LNP1: variants seen among roughly 807,000 people sequenced by gnomAD.
LNP1 encodes leukemia NUP98 fusion partner 1.
A neutral mutation model predicts 14.5 loss-of-function variants in LNP1; 12 were observed. That is an observed-to-expected ratio of 0.83 (90% CI 0.53 to 1.34). The LOEUF is 1.34. LNP1 is among the 40% of genes most tolerant of loss of function. LNP1 has a pLI of 0.00. For missense variants in LNP1, 198 were observed against 210.9 expected (o/e 0.94, Z 0.38); for synonymous variants, 75 against 71.4 (o/e 1.05, Z -0.26).
intron 1 of LNP1, among the ~76,000 whole-genome samples, chr3:100,420,881 C>T (rs1707137737): frequency 6.6e-6 from 1 of 151,774 alleles, no homozygotes; most frequent in African/African-American, 2.4e-5. Context: ...CTCTTGATCC[C>T]AAAGATTTTC....
chr3:100,405,761 C>A (rs1488844250), intron 1 of LNP1, among the ~76,000 whole-genome samples: 2 of 152,092 alleles, frequency 1.3e-5, no homozygotes, highest in Admixed American at 1.3e-4. Flanking sequence ...TATTTGCTTG[C>A]TTCCCAGATA....
rs377046586 is a variant in LNP1 at position 100,429,721 on chromosome 3, C to T, written c.-9C>T. The T allele has an allele frequency of 1.3e-5, 21 of 1,611,832 alleles. No individual in the cohort carries two copies. The highest frequency in any genetic ancestry group is 1.7e-5 in the Non-Finnish European group (20 of 1,178,928). The stretch of plus-strand genomic sequence containing the variant: ...GGGACAGGCCTTCAGTATTTGGCAT[C>T]ACCTTTACATGGAGCACAAAGATGA... On this transcript the variant is annotated 5_prime_UTR_variant, in exon 2 of 4. Coordinates refer to ENST00000383693, the MANE Select transcript of LNP1 (RefSeq NM_001085451.2).
At chr3:100,437,163 G>A (rs1220034708) in intron 2 of LNP1, among the ~76,000 whole-genome samples, 2 of 152,176 alleles carry the variant, frequency 1.3e-5, no homozygotes, top group African/African-American at 4.8e-5. Flanking sequence ...GAGCTAGTAG[G>A]GAAAACATTA....
rs543572249 is a variant in LNP1, at chr3:100,451,011, A to G, written c.157-708A>G. Among the ~76,000 whole-genome samples, 6 of 152,288 alleles carry G rather than the reference A, an allele frequency of 3.9e-5. No individual in the cohort carries two copies. The South Asian group carries it at 1.0e-3, about 26-fold the overall frequency. On this transcript the variant is annotated intron_variant, in intron 2 of 3. Transcript: ENST00000383693. ...GTCTCAGACCTCAGCAAATTGTCCT[A>G]TTGGTTTGAGCCATAAAGTTAGCTT...
In LNP1 at chr3:100,451,731, C is replaced by T; in HGVS notation, c.169C>T (p.Pro57Ser). Residue 57 changes from proline (P) to serine (S), a missense_variant, in exon 3 of 4, where the codon CCC becomes TCC. Coordinates refer to ENST00000383693, the MANE Select transcript of LNP1 (RefSeq NM_001085451.2). ...TSLPCPLPVLPRIPSSDCHPR... is the reference protein window; with the variant it reads ...TSLPCPLPVLSRIPSSDCHPR... ...TCTGTATTCTCAGCTTCCTGTGCTT[C>T]CCAGAATTCCATCATCTGACTGCCA... The T allele has an allele frequency of 9.0e-6, 8 of 888,324 alleles. No individual in the cohort carries two copies. Among genetic ancestry groups the T allele is most frequent in the Non-Finnish European group, 1.2e-5 (8 of 680,394 alleles). The allele number at this position is 888,324 out of a possible 1,614,324, so 55.0% of individuals were successfully genotyped here.
At chr3:100,420,768 G>T (rs1394289360) in intron 1 of LNP1, among the ~76,000 whole-genome samples, 2 of 151,974 alleles carry the variant, frequency 1.3e-5, no homozygotes, top group Non-Finnish European at 2.9e-5. Context: ...TCTTAACAGG[G>T]TCTTTCATAG....
chr3:100,402,734 A>T (rs772653826), intron 1 of LNP1, among the ~76,000 whole-genome samples: 20 of 151,988 alleles, frequency 1.3e-4, no homozygotes, highest in Non-Finnish European at 2.6e-4. Flanking sequence ...GAACTAAAAC[A>T]TATTTGAAGT....
At chr3:100,441,973 A>G (rs534345648) in intron 2 of LNP1, among the ~76,000 whole-genome samples, 70 of 152,136 alleles carry the variant, frequency 4.6e-4, no homozygotes, top group South Asian at 8.3e-4. Context: ...CCCTAGCTTT[A>G]TATTTTTATA....
At chr3:100,452,857 C>A (rs185806520) in intron 3 of LNP1, among the ~76,000 whole-genome samples, 71 of 152,280 alleles carry the variant, frequency 4.7e-4, no homozygotes, top group Non-Finnish European at 7.1e-4. Flanking sequence ...AACTAAAGAT[C>A]AATTAATGTG....
intron 1 of LNP1, among the ~76,000 whole-genome samples, chr3:100,419,079 G>A (rs947691949): frequency 3.3e-5 from 5 of 152,122 alleles, no homozygotes; most frequent in African/African-American, 1.2e-4. Flanking sequence ...TGGGAGTAGG[G>A]CACATCTTGA....
chr3:100,455,433 G>A (rs1236857275), intron 3 of LNP1, among the ~76,000 whole-genome samples: 1 of 152,100 alleles, frequency 6.6e-6, no homozygotes, highest in Non-Finnish European at 1.5e-5. Flanking sequence ...TTCCATGTGT[G>A]ATCTCATTTG....
intron 2 of LNP1, among the ~76,000 whole-genome samples, chr3:100,447,420 G>C (rs539270823): frequency 6.6e-6 from 1 of 151,918 alleles, no homozygotes. Flanking sequence ...GGACACAGTG[G>C]GGGGAACATC....
At chr3:100,451,670 C>T (rs1035829800) in intron 2 of LNP1, 49 bp from the exon 3 acceptor site, 1 of 597,690 alleles carries the variant, frequency 1.7e-6, no homozygotes, top group East Asian at 8.5e-5. Context: ...TCTGTGCTAA[C>T]ATTGCACAGT....
At chr3:100,454,533 GA>G (rs1425573921) in intron 3 of LNP1, among the ~76,000 whole-genome samples, 1 of 152,076 alleles carries the variant, frequency 6.6e-6, no homozygotes, top group Non-Finnish European at 1.5e-5. Context: ...ACATAAAAAA[GA>G]ACCAGAAACT....
At chr3:100,405,609 C>T (rs1045257508) in intron 1 of LNP1, among the ~76,000 whole-genome samples, 1 of 152,164 alleles carries the variant, frequency 6.6e-6, no homozygotes, top group African/African-American at 2.4e-5. Flanking sequence ...TCTGGAGTCT[C>T]ATTTTTATAG....
chr3:100,453,598 A>T (rs1445079822), intron 3 of LNP1, among the ~76,000 whole-genome samples: 6 of 151,982 alleles, frequency 3.9e-5, no homozygotes, highest in Non-Finnish European at 1.5e-5. Context: ...AAAAAAAAAA[A>T]AGAATTCCTG....
At chr3:100,408,182 A>AAGCC (rs1403974257) in intron 1 of LNP1, among the ~76,000 whole-genome samples, 5 of 152,320 alleles carry the variant, frequency 3.3e-5, no homozygotes, top group Admixed American at 1.3e-4. Flanking sequence ...GTGTGCATTC[A>AAGCC]AGAAGCAGTT....
At chr3:100,429,653 C>A in intron 1 of LNP1, 44 bp from the exon 2 acceptor site, 1 of 1,311,036 alleles carries the variant, frequency 7.6e-7, no homozygotes, top group Admixed American at 2.1e-5. Flanking sequence ...TCCTGGGTTT[C>A]ATTGTCAGCC....
intron 2 of LNP1, among the ~76,000 whole-genome samples, chr3:100,441,923 T>A (rs1707347552): frequency 6.6e-6 from 1 of 152,038 alleles, no homozygotes; most frequent in African/African-American, 2.4e-5. Context: ...CCTCGGCCTC[T>A]CAAAGTGCTG....
Sources: gnomAD v4.1 joint callset for allele counts (sites outside exome capture counted in the v4.1 genomes callset) on GRCh38, gnomAD v4.1.1 for gene constraint, MANE v1.5 for transcripts, NCBI Gene and HGNC (gene_info 2026-07-23, HGNC 2026-07-21) for gene names.